Variants in STAB2 observed in about 807,000 individuals in gnomAD.
STAB2 encodes the protein stabilin 2.
STAB2 carries 288 observed loss-of-function variants against 338.1 expected under a neutral mutation model. That is an observed-to-expected ratio of 0.85 (90% confidence interval 0.77 to 0.94). The LOEUF (loss-of-function observed/expected upper bound fraction) is 0.94, where lower values mean the gene tolerates loss of function less well. Among genes scored for constraint, STAB2 ranks in the 40% least tolerant of loss-of-function variants. The pLI, the probability that STAB2 is intolerant of heterozygous loss-of-function variation, is 0.00. For missense variants in STAB2, 3,141 were observed against 3,210.1 expected (o/e 0.98, Z 0.52); for synonymous variants, 1,202 against 1,193.3 (o/e 1.01, Z -0.15).
chr12:103,692,930 C>T (rs757694849), intron 31 of STAB2, 41 bp downstream of exon 31: 22 of 1,562,556 alleles, frequency 1.4e-5, no homozygotes. Context: ...CATCTCTTTT[C>T]CCTTTGTTGT....
At chr12:103,593,332 C>T (rs1263901052) in intron 2 of STAB2, among the ~76,000 whole-genome samples, 1 of 152,118 alleles carries the variant, frequency 6.6e-6, no homozygotes, top group Non-Finnish European at 1.5e-5. Flanking sequence ...ATACTTGTTG[C>T]CTTTTGTTTC....
rs951913283 is a variant in STAB2 at position 103,631,800 on chromosome 12, CA to C, written c.583+111del. ...GTTCTCTGCAGGGGCAAGGTACTAC[CA>C]AAAGTTTTCTGGAAAGAAACTAGAA... On this transcript the variant is annotated intron_variant, in intron 6 of 68. Transcript: ENST00000388887. 4 of 995,316 alleles carry C rather than the reference CA, an allele frequency of 4.0e-6. No homozygotes were observed. In the African/African-American group the frequency reaches 6.5e-5, roughly 16 times the overall value. The allele number at this position is 995,316 out of a possible 1,614,324, so 61.7% of individuals were successfully genotyped here. A position where few individuals can be genotyped will look rare whatever the true frequency, so the allele number is the denominator to read the frequency against.
At chr12:103,594,562 G>A (rs774639827) in intron 3 of STAB2, 52 bp downstream of exon 3, 2 of 1,402,824 alleles carry the variant, frequency 1.4e-6, no homozygotes, top group African/African-American at 1.4e-5. Context: ...TATCTCATTT[G>A]GTAGAAAATT....
chr12:103,648,675 T>TC lies in STAB2; in HGVS notation c.1041-10dup. ...GCTCTAAAACCCTGAGGATGTCTTT[T>TC]CCCCCTCTCTGTAGATGCATTTGCC... On this transcript the variant is annotated splice_polypyrimidine_tract_variant and intron_variant, in intron 9 of 68. Transcript: ENST00000388887. 6.2e-7 allele frequency: 1 copy of TC among 1,612,172 alleles called. No individual in the cohort carries two copies. Among genetic ancestry groups the TC allele is most frequent in the Non-Finnish European group, 8.5e-7 (1 of 1,179,096 alleles).
chr12:103,693,269 C>T (rs1878112299), intron 31 of STAB2, among the ~76,000 whole-genome samples: 1 of 151,502 alleles, frequency 6.6e-6, no homozygotes, highest in Admixed American at 6.6e-5. Context: ...GTCTGGGCAA[C>T]ATAATGAGAT....
chr12:103,654,018 A>T (rs148227063), intron 12 of STAB2, among the ~76,000 whole-genome samples: 159 of 152,126 alleles, frequency 1.0e-3, no homozygotes, highest in African/African-American at 3.2e-3. Flanking sequence ...AGATGGATGG[A>T]GGATGCATGC....
At chr12:103,620,617 C>T (rs1305479201) in intron 4 of STAB2, 64 bp downstream of exon 4, 6 of 1,280,858 alleles carry the variant, frequency 4.7e-6, no homozygotes, top group African/African-American at 1.7e-5. Flanking sequence ...CCTGTTGATC[C>T]TCCTTAAACA....
In STAB2 at chr12:103,760,853, C is replaced by T. The variant is rs117966352; in HGVS notation, c.7249-447C>T. On this transcript the variant is annotated intron_variant, in intron 65 of 68. Coordinates refer to ENST00000388887, the MANE Select transcript of STAB2 (RefSeq NM_017564.10). Reference sequence around the variant, plus strand: ...TGCTGGAGATTTGTTAAAATGAAGACGTGATTCAGCAGGGGAGAAGGCACA... The same window carrying T: ...TGCTGGAGATTTGTTAAAATGAAGATGTGATTCAGCAGGGGAGAAGGCACA... 2.7e-3 allele frequency among the ~76,000 whole-genome samples: 412 copies of T among 152,298 alleles called. 1 individual carries two copies. The highest frequency in any genetic ancestry group is 4.7e-3 in the Non-Finnish European group (322 of 68,032).
At chr12:103,659,301 C>G (rs1015981868) in intron 15 of STAB2, among the ~76,000 whole-genome samples, 2 of 152,208 alleles carry the variant, frequency 1.3e-5, no homozygotes, top group African/African-American at 4.8e-5. Flanking sequence ...CTGCTACTAA[C>G]AGGTAACTCC....
Position 103,701,486 on chromosome 12 carries a change from C to G in STAB2, c.3715-1662C>G, listed in dbSNP as rs73396042. Among the ~76,000 whole-genome samples the G allele has an allele frequency of 7.5e-3, 1,145 of 152,192 alleles. 11 individuals are homozygous for G. Among genetic ancestry groups the G allele is most frequent in the Middle Eastern group, 0.024 (7 of 294 alleles). On this transcript the variant is annotated intron_variant, in intron 34 of 68. Coordinates refer to ENST00000388887, the MANE Select transcript of STAB2 (RefSeq NM_017564.10). ...GTCCCACCAACAGTGTAAAAGTGTTCCTAAGAGAAATGCTTTCTAAATGAG... is the reference window on the plus strand; with the variant it reads ...GTCCCACCAACAGTGTAAAAGTGTTGCTAAGAGAAATGCTTTCTAAATGAG...
intron 22 of STAB2, among the ~76,000 whole-genome samples, chr12:103,672,110 G>T (rs571003922): frequency 1.3e-5 from 2 of 152,280 alleles, no homozygotes; most frequent in East Asian, 3.9e-4. Context: ...TCATCAATAA[G>T]CAAAGCCGCT....
In STAB2 at chr12:103,711,529, G is replaced by T. The variant is rs771686272; in HGVS notation, c.4334+13G>T. 2 of 1,614,002 alleles carry T rather than the reference G, an allele frequency of 1.2e-6. No homozygotes were observed. The highest frequency in any genetic ancestry group is 3.3e-5 in the Admixed American group (2 of 60,014). ...ATACCAGCGCCAAGTAGGTAGCCCT[G>T]GGCCACCTCTGGGGACAGTGTAAAG... is the stretch of plus-strand genomic sequence containing the variant. On this transcript the variant is annotated intron_variant, in intron 40 of 68. Transcript: ENST00000388887.
chr12:103,606,349 A>C (rs1044770458), intron 3 of STAB2, among the ~76,000 whole-genome samples: 1 of 152,126 alleles, frequency 6.6e-6, no homozygotes, highest in Non-Finnish European at 1.5e-5. Context: ...ATTGTTACCA[A>C]TTTTTCCTTA....
chr12:103,732,447 G>A (rs1231484540), intron 50 of STAB2, among the ~76,000 whole-genome samples: 2 of 152,182 alleles, frequency 1.3e-5, no homozygotes, highest in Non-Finnish European at 1.5e-5. Context: ...CCTCTTCCCT[G>A]ATACTCAACC....
Position 103,706,906 on chromosome 12 carries a change from G to A in STAB2, c.4111G>A (p.Val1371Met), listed in dbSNP as rs369117353. 3.7e-6 allele frequency: 6 copies of A among 1,614,248 alleles called. No homozygotes were observed. The highest frequency in any genetic ancestry group is 5.1e-6 in the Non-Finnish European group (6 of 1,180,048). ...ICLDGVNGTGVCECGEGFSGT... is the reference protein window; with the variant it reads ...ICLDGVNGTGMCECGEGFSGT... ...TTTGGATGGAGTGAATGGCACAGGT[G>A]TGTGTGAGTGTGGGGAGGGCTTCAG... is the stretch of plus-strand genomic sequence containing the variant. Residue 1371 changes from valine to methionine, a missense_variant, in exon 38 of 69, where the codon GTG (valine) becomes ATG (methionine). Transcript: ENST00000388887.
At chr12:103,756,471 G>A (rs1593346718) in intron 63 of STAB2, among the ~76,000 whole-genome samples, 1 of 152,004 alleles carries the variant, frequency 6.6e-6, no homozygotes, top group South Asian at 2.1e-4. Flanking sequence ...CACATGACAG[G>A]TGCTCCATAA....
intron 67 of STAB2, among the ~76,000 whole-genome samples, chr12:103,763,122 G>A (rs909194982): frequency 1.3e-5 from 2 of 152,164 alleles, no homozygotes; most frequent in African/African-American, 4.8e-5. Flanking sequence ...AAGTGTATAG[G>A]CTGTATGACT....
At chr12:103,753,383 G>A (rs1401013546) in intron 61 of STAB2, 30 bp downstream of exon 61, 1 of 1,613,938 alleles carries the variant, frequency 6.2e-7, no homozygotes, top group East Asian at 2.2e-5. Context: ...ATTCTGTGCA[G>A]ACAGAGTCTG....
At chr12:103,647,145 C>A (rs1006632719) in intron 9 of STAB2, among the ~76,000 whole-genome samples, 1 of 152,128 alleles carries the variant, frequency 6.6e-6, no homozygotes, top group Non-Finnish European at 1.5e-5. Context: ...AATTTTAAAG[C>A]GCAGTCAGGA....
Sources: allele counts gnomAD v4.1 joint callset (sites outside exome capture counted in the v4.1 genomes callset), GRCh38; gene constraint gnomAD v4.1.1; transcripts MANE v1.5; gene names NCBI Gene and HGNC (gene_info 2026-07-23, HGNC 2026-07-21).